PARD3B: variants seen among roughly 807,000 people sequenced by gnomAD.
PARD3B encodes partitioning defective 3 homolog B.
In PARD3B, 103 loss-of-function variants were observed where a neutral mutation model predicts 130.2. The ratio of observed to expected loss-of-function variants is 0.79; its 90% confidence interval spans 0.67 to 0.93. The LOEUF is 0.93. Ranked by LOEUF, PARD3B falls within the 40% of genes least tolerant of loss-of-function variation. The pLI, the probability that PARD3B is intolerant of heterozygous loss-of-function variation, is 0.00. For missense variants in PARD3B, 1,609 were observed against 1,499.2 expected (o/e 1.07, Z -1.21); for synonymous variants, 583 against 553.2 (o/e 1.05, Z -0.76).
At chr2:205,540,657 A>G (rs1217939198) in intron 21 of PARD3B, among the ~76,000 whole-genome samples, 12 of 151,612 alleles carry the variant, frequency 7.9e-5, no homozygotes, top group Non-Finnish European at 1.8e-4. Context: ...GCCACGGTGG[A>G]TTTTCAGGAT....
chr2:205,549,796 T>C (rs1005510580), intron 21 of PARD3B, among the ~76,000 whole-genome samples: 1 of 152,190 alleles, frequency 6.6e-6, no homozygotes, highest in Non-Finnish European at 1.5e-5. Context: ...GTGATTATAA[T>C]GTGTCAATGT....
In PARD3B at chr2:205,351,801, GAA is replaced by G. The variant is rs5837968; in HGVS notation, c.2631-49201_2631-49200del. On this transcript the variant is annotated intron_variant, in intron 18 of 22. Coordinates refer to ENST00000406610, the MANE Select transcript of PARD3B (RefSeq NM_001302769.2). The surrounding 1 kb of genome is among the most constrained non-coding windows in gnomAD (Gnocchi z 4.2). ...TAAGTGTAATGTAGGGCAGAAACAA[GAA>G]AAAAAAAAAACGTTGGCTTCCAGAG... Among the ~76,000 whole-genome samples, 59 of 147,542 alleles carry G rather than the reference GAA, an allele frequency of 4.0e-4. No individual in the cohort carries two copies. Among genetic ancestry groups the G allele is most frequent in the African/African-American group, 1.1e-3 (42 of 39,808 alleles).
At chr2:204,794,567 T>C (rs1408460150) in intron 2 of PARD3B, among the ~76,000 whole-genome samples, 2 of 152,194 alleles carry the variant, frequency 1.3e-5, no homozygotes, top group East Asian at 3.9e-4. Flanking sequence ...GGCACTATTA[T>C]ATGGTCTTCC....
rs1385576244 is a variant in PARD3B at position 205,057,596 on chromosome 2, TAC to T, written c.504+9908_504+9909del. ...ATATGTGTATGTGTATACGTATATA[TAC>T]ATATATGTGTATGTGTATGTGTATA... On this transcript the variant is annotated intron_variant, in intron 4 of 22. Coordinates refer to ENST00000406610, the MANE Select transcript of PARD3B (RefSeq NM_001302769.2). 1.1e-4 allele frequency among the ~76,000 whole-genome samples: 13 copies of T among 113,760 alleles called. 1 individual carries two copies. The highest frequency in any genetic ancestry group is 1.0e-3 in the Admixed American group (10 of 9,774). The allele number at this position is 113,760 out of a possible 152,430, so 74.6% of individuals were successfully genotyped here.
Position 205,229,418 on chromosome 2 carries a change from T to G in PARD3B, c.2141-16360T>G, listed in dbSNP as rs950693824. 2.6e-5 allele frequency among the ~76,000 whole-genome samples: 4 copies of G among 152,320 alleles called. No homozygotes were observed. The highest frequency in any genetic ancestry group is 4.4e-5 in the Non-Finnish European group (3 of 68,018). ...TTACAGACTTGTAGAGGTGCCATGT[T>G]GGTGGTCTTGGATAAGATCTGGGAG... is the stretch of plus-strand genomic sequence containing the variant. On this transcript the variant is annotated intron_variant, in intron 15 of 22. Transcript: ENST00000406610. The surrounding 1 kb of genome is among the most constrained non-coding windows in gnomAD (Gnocchi z 5.2).
intron 1 of PARD3B, among the ~76,000 whole-genome samples, chr2:204,602,299 G>A (rs1266664067): frequency 6.6e-6 from 1 of 151,804 alleles, no homozygotes; most frequent in Non-Finnish European, 1.5e-5. Context: ...CTCACTCCTA[G>A]GTGTGTCTCG....
chr2:205,500,749 G>C (rs1023458967), intron 21 of PARD3B, among the ~76,000 whole-genome samples: 1 of 152,200 alleles, frequency 6.6e-6, no homozygotes, highest in African/African-American at 2.4e-5. Flanking sequence ...CAGATACATA[G>C]AACAGTGGCT....
intron 2 of PARD3B, among the ~76,000 whole-genome samples, chr2:204,751,096 A>T (rs944097617): frequency 1.3e-5 from 2 of 152,196 alleles, no homozygotes; most frequent in African/African-American, 4.8e-5. Context: ...TGTCAGCAAG[A>T]GGTAGAAGAG....
chr2:204,810,887 C>G (rs1398950300), intron 2 of PARD3B, among the ~76,000 whole-genome samples: 1 of 152,042 alleles, frequency 6.6e-6, no homozygotes, highest in Non-Finnish European at 1.5e-5. Context: ...GGAATGGTAC[C>G]AGCTCTTTGT....
intron 18 of PARD3B, among the ~76,000 whole-genome samples, chr2:205,363,177 G>A (rs1182517220): frequency 1.3e-5 from 2 of 152,160 alleles, no homozygotes; most frequent in Non-Finnish European, 2.9e-5. Context: ...CTCTCATTAT[G>A]CTGTAGCCCT....
intron 18 of PARD3B, among the ~76,000 whole-genome samples, chr2:205,381,023 GATATATTATATATAAAGAAT>G (rs1400819566): frequency 1.5e-5 from 1 of 64,960 alleles, no homozygotes; most frequent in East Asian, 3.6e-4. Flanking sequence ...GAATATATAT[GATATATTATATATAAAGAAT>G]ATATATTATA....
At chr2:204,959,225 G>A (rs1052908968) in intron 2 of PARD3B, among the ~76,000 whole-genome samples, 1 of 152,072 alleles carries the variant, frequency 6.6e-6, no homozygotes, top group Non-Finnish European at 1.5e-5. Context: ...GAGAACATGC[G>A]GTGTTTGGTT....
chr2:205,152,088 C>T (rs1157966414), intron 10 of PARD3B, among the ~76,000 whole-genome samples: 1 of 152,166 alleles, frequency 6.6e-6, no homozygotes, highest in Non-Finnish European at 1.5e-5. Context: ...GAATATTGGG[C>T]CTTACTCTCT....
chr2:205,499,299 A>G (rs182435884), intron 20 of PARD3B, among the ~76,000 whole-genome samples: 182 of 146,186 alleles, frequency 1.2e-3, no homozygotes, highest in African/African-American at 4.4e-3. Flanking sequence ...TCTACTCTAC[A>G]CCAGCTTCCC....
Position 205,122,050 on chromosome 2 carries a change from T to A in PARD3B, c.1165+101T>A. On this transcript the variant is annotated intron_variant, in intron 8 of 22. Coordinates refer to ENST00000406610, the MANE Select transcript of PARD3B (RefSeq NM_001302769.2). The surrounding 1 kb of genome is among the most constrained non-coding windows in gnomAD (Gnocchi z 4.3). ...TAATTTAGTTAATTCTCCCTTCATT[T>A]AATTGTATCAAAGAATAGATTTAAG... The A allele has an allele frequency of 1.0e-6, 1 of 980,612 alleles. No homozygotes were observed. The highest frequency in any genetic ancestry group is 1.5e-6 in the Non-Finnish European group (1 of 678,420). The allele number at this position is 980,612 out of a possible 1,614,324, so 60.7% of individuals were successfully genotyped here. A position where few individuals can be genotyped will look rare whatever the true frequency, so the allele number is the denominator to read the frequency against.
At chr2:205,490,244 C>T (rs1191411207) in intron 20 of PARD3B, among the ~76,000 whole-genome samples, 4 of 152,036 alleles carry the variant, frequency 2.6e-5, no homozygotes, top group Non-Finnish European at 5.9e-5. Context: ...GGTGTATCTC[C>T]TAATGCTATC....
At chr2:204,680,985 G>T (rs1423575644) in intron 1 of PARD3B, among the ~76,000 whole-genome samples, 1 of 152,088 alleles carries the variant, frequency 6.6e-6, no homozygotes, top group Non-Finnish European at 1.5e-5. Context: ...ACTTGTGTCA[G>T]TCAGATGATT....
chr2:204,574,244 C>T (rs2032144874), intron 1 of PARD3B, among the ~76,000 whole-genome samples: 1 of 152,158 alleles, frequency 6.6e-6, no homozygotes, highest in South Asian at 2.1e-4. Flanking sequence ...TATTAATTTC[C>T]TAACTTTATT....
chr2:204,945,720 A>C (rs1288290025), intron 2 of PARD3B, among the ~76,000 whole-genome samples: 1 of 152,218 alleles, frequency 6.6e-6, no homozygotes, highest in Non-Finnish European at 1.5e-5. Context: ...AAACACAAGC[A>C]CAAATTATAG....
Sources: gnomAD v4.1 joint callset for allele counts (sites outside exome capture counted in the v4.1 genomes callset) on GRCh38, gnomAD v4.1.1 for gene constraint, Gnocchi (gnomAD v3.1) non-coding constraint, MANE v1.5 for transcripts, NCBI Gene and HGNC (gene_info 2026-07-23, HGNC 2026-07-21) for gene names.